Variants in SLC9A2 observed in about 807,000 individuals in gnomAD.
SLC9A2 encodes solute carrier family 9 member A2, also known as sodium/hydrogen exchanger 2.
In SLC9A2, 42 loss-of-function variants were observed where a neutral mutation model predicts 71.7. That is an observed-to-expected ratio of 0.59 (90% CI 0.46 to 0.76). The LOEUF is 0.76. SLC9A2 is among the 30% of genes least tolerant of loss of function. SLC9A2 has a pLI of 0.00. For missense variants in SLC9A2, 829 were observed against 1,017.4 expected (o/e 0.81, Z 2.52); for synonymous variants, 396 against 392.5 (o/e 1.01, Z -0.10).
At chr2:102,643,618 T>G (rs1416454365) in intron 1 of SLC9A2, among the ~76,000 whole-genome samples, 4 of 152,340 alleles carry the variant, frequency 2.6e-5, no homozygotes, top group African/African-American at 7.2e-5. Flanking sequence ...AGCCAGCATT[T>G]CTTCTGCTAT....
chr2:102,688,621 G>C (rs201098056), intron 5 of SLC9A2, among the ~76,000 whole-genome samples: 1 of 152,050 alleles, frequency 6.6e-6, no homozygotes, highest in African/African-American at 2.4e-5. Context: ...CCAGCTACTC[G>C]GGAGGCTGAG....
chr2:102,655,509 C>T (rs1284056588), intron 1 of SLC9A2, among the ~76,000 whole-genome samples: 1 of 152,094 alleles, frequency 6.6e-6, no homozygotes, highest in Non-Finnish European at 1.5e-5. Flanking sequence ...GATATTTAAA[C>T]TTTTTTGTTT....
intron 5 of SLC9A2, among the ~76,000 whole-genome samples, chr2:102,688,636 G>A (rs990952002): frequency 6.6e-6 from 1 of 152,140 alleles, no homozygotes; most frequent in Admixed American, 6.6e-5. Context: ...GCTGAGGCAG[G>A]AGAATCGCTT....
intron 3 of SLC9A2, among the ~76,000 whole-genome samples, chr2:102,675,719 A>G (rs1258939394): frequency 6.6e-6 from 1 of 152,232 alleles, no homozygotes; most frequent in East Asian, 1.9e-4. Flanking sequence ...ATTGAGAGAC[A>G]GGAAGGAAGA....
chr2:102,680,367 G>A (rs1272414014), intron 3 of SLC9A2, among the ~76,000 whole-genome samples: 6 of 152,088 alleles, frequency 3.9e-5, no homozygotes, highest in Non-Finnish European at 8.8e-5. Flanking sequence ...AAATATGAAA[G>A]ATGAAGATTT....
rs2104548396 is a variant in SLC9A2 at position 102,694,445 on chromosome 2, T to G, written c.1457T>G (p.Leu486Arg). 1 of 1,534,996 alleles carries G rather than the reference T, an allele frequency of 6.5e-7. No individual in the cohort carries two copies. The highest frequency in any genetic ancestry group is 1.7e-5 in the Admixed American group (1 of 58,658). The change falls in exon 6 of 12, where the codon CTT becomes CGT. Residue 486 changes from leucine to arginine, a missense_variant. This residue lies in a region of SLC9A2 where 500 missense variants were observed against 726.3 expected (regional missense o/e 0.69). Transcript: ENST00000233969. ...GITIRPLVEF[L>R]DVKRSNKKQQ... ...ACTATTCGACCACTGGTGGAGTTTC[T>G]TGATGTCAAGAGGTCCAATAAGAAA... is the stretch of plus-strand genomic sequence containing the variant.
chr2:102,644,938 C>G (rs1391866018), intron 1 of SLC9A2, among the ~76,000 whole-genome samples: 1 of 152,228 alleles, frequency 6.6e-6, no homozygotes, highest in Non-Finnish European at 1.5e-5. Flanking sequence ...CAGCACAGTG[C>G]TCAGCTCTGC....
chr2:102,703,159 T>C (rs1324204077), intron 9 of SLC9A2, among the ~76,000 whole-genome samples: 1 of 152,198 alleles, frequency 6.6e-6, no homozygotes, highest in Non-Finnish European at 1.5e-5. Context: ...TCTTAGCTGG[T>C]GTCCCCATAA....
intron 1 of SLC9A2, among the ~76,000 whole-genome samples, chr2:102,626,594 C>A (rs1325325956): frequency 1.3e-5 from 2 of 152,192 alleles, no homozygotes; most frequent in African/African-American, 4.8e-5. Flanking sequence ...AACTAAAGAG[C>A]TTCTGCACAG....
intron 1 of SLC9A2, among the ~76,000 whole-genome samples, chr2:102,628,772 C>T (rs1676302431): frequency 6.6e-6 from 1 of 152,080 alleles, no homozygotes; most frequent in Non-Finnish European, 1.5e-5. Flanking sequence ...CGCTCTCAAA[C>T]TCCTTAGCTC....
Position 102,708,292 on chromosome 2 carries a change from C to A in SLC9A2, c.2242C>A (p.Pro748Thr), listed in dbSNP as rs765324014. Reference protein sequence around the residue: ...DSGRDMPSTPPTPHSREKGTQ... With the variant: ...DSGRDMPSTPTTPHSREKGTQ... The stretch of plus-strand genomic sequence containing the variant: ...TGGCCGAGATATGCCCAGCACCCCC[C>A]CAACACCCCACAGCAGAGAAAAGGG... Residue 748 changes from proline to threonine, a missense_variant, in exon 12 of 12, where the codon CCA (proline) becomes ACA (threonine). Pro to Thr is a conservative substitution (Grantham distance 38). This residue lies in a region of SLC9A2 where 223 missense variants were observed against 197.5 expected (regional missense o/e 1.13). Transcript: ENST00000233969. 1.1e-5 allele frequency: 17 copies of A among 1,614,078 alleles called. No homozygotes were observed. Among genetic ancestry groups the A allele is most frequent in the African/African-American group, 4.0e-5 (3 of 74,922 alleles).
intron 3 of SLC9A2, among the ~76,000 whole-genome samples, chr2:102,676,835 A>G (rs1359329974): frequency 6.6e-6 from 1 of 152,260 alleles, no homozygotes; most frequent in Non-Finnish European, 1.5e-5. Flanking sequence ...TCATCATTGC[A>G]TATGCTTGGC....
intron 3 of SLC9A2, among the ~76,000 whole-genome samples, chr2:102,665,886 G>A (rs1677127697): frequency 6.7e-6 from 1 of 149,398 alleles, no homozygotes; most frequent in Admixed American, 6.7e-5. Context: ...CAGATAGAAA[G>A]CTGCTTAAAC....
chr2:102,695,492 AGAT>A, intron 7 of SLC9A2, among the ~76,000 whole-genome samples: 1 of 152,110 alleles, frequency 6.6e-6, no homozygotes, highest in South Asian at 2.1e-4. Context: ...GAAGGATGAA[AGAT>A]GATGAGTAGA....
chr2:102,657,643 G>T lies in SLC9A2; in HGVS notation c.369G>T (p.Gly123=), dbSNP rs752273356. 3 of 1,614,154 alleles carry T rather than the reference G, an allele frequency of 1.9e-6. No homozygotes were observed. The highest frequency in any genetic ancestry group is 2.5e-6 in the Non-Finnish European group (3 of 1,180,012). The change falls in exon 2 of 12, where the codon GGG becomes GGT. Residue 123 remains glycine, a synonymous_variant. Transcript: ENST00000233969. ...TAATGGTTGGACTTCTACTAGGTGGGATTATTTTTGGTGTTGATGAGAAGT... is the reference window on the plus strand; with the variant it reads ...TAATGGTTGGACTTCTACTAGGTGGTATTATTTTTGGTGTTGATGAGAAGT... ...LLIMVGLLLG[G]IIFGVDEKSP...
chr2:102,660,172 A>G (rs1483698358), intron 2 of SLC9A2, among the ~76,000 whole-genome samples: 2 of 152,178 alleles, frequency 1.3e-5, no homozygotes, highest in African/African-American at 4.8e-5. Flanking sequence ...GCACAGAGGC[A>G]CAACTGTGGT....
At position 102,708,282 on chromosome 2, in the gene SLC9A2, C is replaced by A; in HGVS notation, c.2232C>A (p.Pro744=). 1 of 1,614,124 alleles carries A rather than the reference C, an allele frequency of 6.2e-7. No individual in the cohort carries two copies. Among genetic ancestry groups the A allele is most frequent in the Non-Finnish European group, 8.5e-7 (1 of 1,180,028 alleles). The change falls in exon 12 of 12, where the codon CCC becomes CCA. Residue 744 remains proline (P), a synonymous_variant. Transcript: ENST00000233969. ...EVDVDSGRDM[P]STPPTPHSRE... ...ATGTTGATTCTGGCCGAGATATGCCCAGCACCCCCCCAACACCCCACAGCA... is the reference window on the plus strand; with the variant it reads ...ATGTTGATTCTGGCCGAGATATGCCAAGCACCCCCCCAACACCCCACAGCA...
intron 3 of SLC9A2, among the ~76,000 whole-genome samples, chr2:102,675,076 G>A (rs1677323893): frequency 6.6e-6 from 1 of 152,224 alleles, no homozygotes; most frequent in Non-Finnish European, 1.5e-5. Flanking sequence ...ATGAGAAGTA[G>A]GGTTTGTTGC....
Position 102,695,027 on chromosome 2 carries a change from G to C in SLC9A2, c.1516-16G>C. 6.2e-7 allele frequency: 1 copy of C among 1,611,602 alleles called. No individual in the cohort carries two copies. Among genetic ancestry groups the C allele is most frequent in the Non-Finnish European group, 8.5e-7 (1 of 1,178,206 alleles). ...CAGGTAAAGACTAATCAATTTGCCT[G>C]CTTTTTCTGTTTTAGTTGTTTGATC... On this transcript the variant is annotated splice_polypyrimidine_tract_variant and intron_variant, in intron 6 of 11. Coordinates refer to ENST00000233969, the MANE Select transcript of SLC9A2 (RefSeq NM_003048.6).
Sources: allele counts gnomAD v4.1 joint callset (sites outside exome capture counted in the v4.1 genomes callset), GRCh38; gene constraint gnomAD v4.1.1; regional missense constraint gnomAD v4.1.1; transcripts MANE v1.5; gene names NCBI Gene and HGNC (gene_info 2026-07-23, HGNC 2026-07-21).